Variants in MORN1 observed in about 807,000 individuals in gnomAD.
MORN1 encodes the protein MORN repeat-containing protein 1.
A neutral mutation model predicts 61.9 loss-of-function variants in MORN1; 67 were observed. The ratio of observed to expected loss-of-function variants is 1.08; its 90% CI spans 0.89 to 1.33. The LOEUF (loss-of-function observed/expected upper bound fraction) is 1.33, where lower values mean the gene tolerates loss of function less well. Among genes scored for constraint, MORN1 ranks in the 40% most tolerant of loss-of-function variants. The probability of loss-of-function intolerance (pLI) is 0.00; values close to 1 mark genes in which losing one functional copy is unlikely to be tolerated. For missense variants in MORN1, 752 were observed against 691.2 expected (o/e 1.09, Z -0.99); for synonymous variants, 301 against 292.0 (o/e 1.03, Z -0.31).
chr1:2,387,725 G>A, intron 3 of MORN1, 196 bp from the exon 4 acceptor site: 2 of 590,676 alleles, frequency 3.4e-6, no homozygotes, highest in Non-Finnish European at 6.1e-6. Flanking sequence ...AGCTGGGCAT[G>A]CAGACAGCCC....
In MORN1 at chr1:2,391,449, A is replaced by G. The variant is rs1213620450; in HGVS notation, c.76+9T>C. The G allele has an allele frequency of 1.0e-5, 13 of 1,255,674 alleles. No individual in the cohort carries two copies. In the South Asian group the frequency reaches 4.5e-4, roughly 44 times the overall value. The allele number at this position is 1,255,674 out of a possible 1,614,324, so 77.8% of individuals were successfully genotyped here. A position where few individuals can be genotyped will look rare whatever the true frequency, so the allele number is the denominator to read the frequency against. ...GCCAGCGACCTGTCCCGTGGCCCGC[A>G]GTCGTTACCGTTCCGGGGCGGCCGC... On this transcript the variant is annotated intron_variant, in intron 1 of 13. Transcript: ENST00000378531.
intron 10 of MORN1, among the ~76,000 whole-genome samples, chr1:2,342,865 T>A (rs1641427864): frequency 1.1e-5 from 1 of 91,782 alleles, no homozygotes; most frequent in Non-Finnish European, 2.3e-5. Flanking sequence ...TTATTTTATT[T>A]TATTTATTTT....
chr1:2,345,829 CCACACA>C (rs57669691), intron 10 of MORN1, among the ~76,000 whole-genome samples: 1,872 of 148,948 alleles, frequency 0.013, 36 homozygotes, highest in African/African-American at 0.04. Flanking sequence ...ATGTATGCGG[CCACACA>C]CACACACACA....
chr1:2,321,644 C>A, intron 13 of MORN1, 65 bp from the exon 14 acceptor site: 4 of 1,422,820 alleles, frequency 2.8e-6, no homozygotes, highest in Non-Finnish European at 2.8e-6. Flanking sequence ...GGCCTCAGCC[C>A]ACTGCCCACT....
rs758010872 is a variant in MORN1 at position 2,388,317 on chromosome 1, T to C, written c.169A>G (p.Lys57Glu). Residue 57 changes from lysine to glutamate, a missense_variant, in exon 3 of 14, where the codon AAA (lysine) becomes GAA (glutamate). Physicochemically the swap from Lys to Glu is moderately conservative, Grantham distance 56. Coordinates refer to ENST00000378531, the MANE Select transcript of MORN1 (RefSeq NM_024848.3). ...GCCCCTTCGTAATAACTGCCATCTT[T>C]AAATAACAACTTCCCGTGACCTGGC... ...RKHGHGKLLF[K>E]DGSYYEGAFV... The C allele has an allele frequency of 6.2e-7, 1 of 1,613,966 alleles. No homozygotes were observed. The highest frequency in any genetic ancestry group is 2.2e-5 in the East Asian group (1 of 44,880).
chr1:2,357,498 T>A lies in MORN1; in HGVS notation c.970A>T (p.Arg324Trp). The change falls in exon 10 of 14, where the codon AGG (arginine) becomes TGG (tryptophan). Residue 324 changes from arginine to tryptophan, a missense_variant. Coordinates refer to ENST00000378531, the MANE Select transcript of MORN1 (RefSeq NM_024848.3). The surrounding 1 kb of genome is among the most constrained non-coding windows in gnomAD (Gnocchi z 6.3). ...GGAEADVPLP[R>W]GDLELHLGAL... is the part of the protein sequence containing the mutation. ...CCCAAATGCAGCTCCAGGTCTCCCC[T>A]GGGCAGGGGCACGTCGGCTTCTGCC... is the stretch of plus-strand genomic sequence containing the variant. 6.2e-7 allele frequency: 1 copy of A among 1,612,656 alleles called. No homozygotes were observed. Among genetic ancestry groups the A allele is most frequent in the Non-Finnish European group, 8.5e-7 (1 of 1,179,642 alleles).
intron 7 of MORN1, among the ~76,000 whole-genome samples, chr1:2,373,868 G>A (rs1030357565): frequency 6.6e-6 from 1 of 152,258 alleles, no homozygotes; most frequent in African/African-American, 2.4e-5. Flanking sequence ...CAACCCAGGA[G>A]GTATGTGTGG....
At chr1:2,346,606 G>A (rs1641520807) in intron 10 of MORN1, among the ~76,000 whole-genome samples, 4 of 152,142 alleles carry the variant, frequency 2.6e-5, no homozygotes, top group South Asian at 4.1e-4. Flanking sequence ...GGCTGGTCTT[G>A]ATTTCCTGAC....
chr1:2,322,507 A>G (rs1640905081), intron 13 of MORN1: 2 of 985,186 alleles, frequency 2.0e-6, no homozygotes, highest in Non-Finnish European at 2.4e-6. Context: ...GACAAGAGCA[A>G]GCCTCGGGGG....
chr1:2,374,566 A>T lies in MORN1; in HGVS notation c.538-9T>A, dbSNP rs760705932. The T allele has an allele frequency of 1.3e-6, 2 of 1,578,162 alleles. No individual in the cohort carries two copies. Among genetic ancestry groups the T allele is most frequent in the South Asian group, 2.3e-5 (2 of 85,824 alleles). ...TCGCTGTGCCACTGTCCCTGCAGAG[A>T]GAAGGGTGAGGCTCAGGCTGGTGGC... On this transcript the variant is annotated splice_polypyrimidine_tract_variant and intron_variant, in intron 6 of 13. Coordinates refer to ENST00000378531, the MANE Select transcript of MORN1 (RefSeq NM_024848.3).
chr1:2,340,234 A>G lies in MORN1; in HGVS notation c.1037-3384T>C, dbSNP rs1641366739. Among the ~76,000 whole-genome samples, 3 of 151,972 alleles carry G rather than the reference A, an allele frequency of 2.0e-5. No homozygotes were observed. In the South Asian group the frequency reaches 6.2e-4, roughly 32 times the overall value. On this transcript the variant is annotated intron_variant, in intron 10 of 13. Transcript: ENST00000378531. ...TCTTTGGGTGGTCACCTCGCTTCCC[A>G]TGGACACAAGCACCACGTTCAGCCA...
At position 2,337,176 on chromosome 1, in the gene MORN1, C is replaced by T. The variant is rs556377085; in HGVS notation, c.1037-326G>A. ...AGCAGCCCCCGTCAGCCGAGGCACT[C>T]GCTTCCAGGGTAGGGCCGGGACCGG... On this transcript the variant is annotated intron_variant, in intron 10 of 13. Coordinates refer to ENST00000378531, the MANE Select transcript of MORN1 (RefSeq NM_024848.3). The surrounding 1 kb of genome is among the most constrained non-coding windows in gnomAD (Gnocchi z 5.7). Among the ~76,000 whole-genome samples the T allele has an allele frequency of 2.0e-4, 30 of 152,314 alleles. No homozygotes were observed. Among genetic ancestry groups the T allele is most frequent in the African/African-American group, 6.5e-4 (27 of 41,560 alleles).
At chr1:2,323,698 A>G in intron 13 of MORN1, 2 of 985,090 alleles carry the variant, frequency 2.0e-6, no homozygotes, top group Non-Finnish European at 2.4e-6. Flanking sequence ...GCCCAGGCCC[A>G]CCAAGCCCTG....
chr1:2,322,768 G>C (rs943301016), intron 13 of MORN1: 1 of 985,304 alleles, frequency 1.0e-6, no homozygotes, highest in Admixed American at 6.1e-5. Flanking sequence ...GGCGCTGGCC[G>C]GGGGGCCGAG....
chr1:2,357,735 G>T lies in MORN1; in HGVS notation c.870-137C>A. On this transcript the variant is annotated intron_variant, in intron 9 of 13. Transcript: ENST00000378531. This position sits in a 1 kb window ranked among gnomAD's most constrained non-coding sequence, Gnocchi z 6.3. ...GGAGCGCTACTCAGCCTCTCTGGGAGGTCTCCTGCTGGGATGGGGCCAGTT... is the reference window on the plus strand; with the variant it reads ...GGAGCGCTACTCAGCCTCTCTGGGATGTCTCCTGCTGGGATGGGGCCAGTT... 9.6e-7 allele frequency: 1 copy of T among 1,038,370 alleles called. No individual in the cohort carries two copies. The allele number at this position is 1,038,370 out of a possible 1,614,324, so 64.3% of individuals were successfully genotyped here.
At chr1:2,359,600 A>T (rs1310615456) in intron 8 of MORN1, among the ~76,000 whole-genome samples, 2 of 152,146 alleles carry the variant, frequency 1.3e-5, no homozygotes, top group African/African-American at 2.4e-5. Context: ...AAGAGGAAGG[A>T]GGCCAGATGT....
At chr1:2,342,180 T>TCGGG (rs1481817793) in intron 10 of MORN1, among the ~76,000 whole-genome samples, 1 of 152,242 alleles carries the variant, frequency 6.6e-6, no homozygotes, top group African/African-American at 2.4e-5. Flanking sequence ...CGGGACGGGA[T>TCGGG]CGGGCAGCTT....
At chr1:2,384,294 G>C (rs767567285) in intron 6 of MORN1, among the ~76,000 whole-genome samples, 8 of 152,138 alleles carry the variant, frequency 5.3e-5, no homozygotes, top group Non-Finnish European at 1.2e-4. Context: ...CAACAAGTCT[G>C]GTGTCCTCTC....
In MORN1 at chr1:2,337,072, C is replaced by A. The variant is rs1236839564; in HGVS notation, c.1037-222G>T. On this transcript the variant is annotated intron_variant, in intron 10 of 13. Coordinates refer to ENST00000378531, the MANE Select transcript of MORN1 (RefSeq NM_024848.3). This position sits in a 1 kb window ranked among gnomAD's most constrained non-coding sequence, Gnocchi z 5.7. ...GGTGGGGGTCCTCCGTGTCCACGGC[C>A]TCTGACGCCCCCGCCCCCTTCTGAG... 6.6e-6 allele frequency among the ~76,000 whole-genome samples: 1 copy of A among 151,970 alleles called. No homozygotes were observed. The highest frequency in any genetic ancestry group is 1.5e-5 in the Non-Finnish European group (1 of 67,950).
Sources: gnomAD v4.1 joint callset for allele counts (sites outside exome capture counted in the v4.1 genomes callset) on GRCh38, gnomAD v4.1.1 for gene constraint, Gnocchi (gnomAD v3.1) non-coding constraint, MANE v1.5 for transcripts, NCBI Gene and HGNC (gene_info 2026-07-23, HGNC 2026-07-21) for gene names.